Variants in PPM1L observed in about 807,000 individuals in gnomAD.
The protein encoded by PPM1L is protein phosphatase, Mg2+/Mn2+ dependent 1L, also known as protein phosphatase 1L.
A neutral mutation model predicts 31.4 loss-of-function variants in PPM1L; 13 were observed. That is an observed-to-expected ratio of 0.41 (90% CI 0.27 to 0.66). PPM1L has a LOEUF of 0.66. Ranked by LOEUF, PPM1L falls within the 30% of genes least tolerant of loss-of-function variation. The pLI is 0.29. For synonymous variants in PPM1L, 184 were observed against 175.4 expected, an observed-to-expected ratio of 1.05 and a Z score of -0.39; for missense variants, 326 against 453.7, an observed-to-expected ratio of 0.72 and a Z score of 2.56.
rs1009662493 is a variant in PPM1L at position 161,011,096 on chromosome 3, C to T, written c.574+49186C>T. On this transcript the variant is annotated intron_variant, in intron 2 of 3. Transcript: ENST00000498165. Reference sequence around the variant, plus strand: ...TCAGACGTGAAGTCCTTGCCCATGCCTATGTCCTGAATGGTATTGCCTAGG... The same window carrying T: ...TCAGACGTGAAGTCCTTGCCCATGCTTATGTCCTGAATGGTATTGCCTAGG... 1.5e-4 allele frequency among the ~76,000 whole-genome samples: 23 copies of T among 152,280 alleles called. No homozygotes were observed. In the East Asian group the frequency reaches 2.7e-3, roughly 18 times the overall value.
chr3:160,825,647 C>T (rs544473940), intron 1 of PPM1L, among the ~76,000 whole-genome samples: 9 of 152,138 alleles, frequency 5.9e-5, no homozygotes, highest in Non-Finnish European at 1.2e-4. Flanking sequence ...TTTTGCCTGG[C>T]GGTGCTGATT....
At chr3:161,011,880 C>G (rs1027092764) in intron 2 of PPM1L, among the ~76,000 whole-genome samples, 1 of 152,022 alleles carries the variant, frequency 6.6e-6, no homozygotes, top group Non-Finnish European at 1.5e-5. Flanking sequence ...ATCCTGAGAA[C>G]TTGCTGAAGT....
At chr3:161,064,766 C>T (rs907764559) in intron 2 of PPM1L, among the ~76,000 whole-genome samples, 13 of 152,194 alleles carry the variant, frequency 8.5e-5, no homozygotes, top group Admixed American at 5.2e-4. Flanking sequence ...TCTTCTGACT[C>T]GAACCACCCT....
chr3:160,832,986 T>A (rs377490748), intron 1 of PPM1L, among the ~76,000 whole-genome samples: 1 of 152,170 alleles, frequency 6.6e-6, no homozygotes, highest in East Asian at 1.9e-4. Flanking sequence ...GTTCTCATTG[T>A]TCAGCTCCCA....
At chr3:160,926,296 T>G (rs961846994) in intron 1 of PPM1L, among the ~76,000 whole-genome samples, 1 of 152,220 alleles carries the variant, frequency 6.6e-6, no homozygotes, top group African/African-American at 2.4e-5. Context: ...TTTTGATGCT[T>G]GATTAGAATC....
intron 1 of PPM1L, among the ~76,000 whole-genome samples, chr3:160,805,049 G>A (rs1357850783): frequency 6.6e-6 from 1 of 152,196 alleles, no homozygotes; most frequent in Non-Finnish European, 1.5e-5. Context: ...AGGCTGCCCT[G>A]CTTGGGAAGC....
rs1458800061 is a variant in PPM1L, at chr3:161,070,912, T to G, written c.*1755T>G. 6.6e-6 allele frequency: 1 copy of G among 152,228 alleles called. No homozygotes were observed. Among genetic ancestry groups the G allele is most frequent in the Non-Finnish European group, 1.5e-5 (1 of 68,050 alleles). 9.4% of individuals were successfully genotyped at this position (152,228 alleles called of 1,614,324 possible). A position where few individuals can be genotyped will look rare whatever the true frequency, so the allele number is the denominator to read the frequency against. On this transcript the variant is annotated 3_prime_UTR_variant, in exon 4 of 4. Coordinates refer to ENST00000498165, the MANE Select transcript of PPM1L (RefSeq NM_139245.4). The stretch of plus-strand genomic sequence containing the variant: ...TAACTTTCTTTGACTGCACTGAGAA[T>G]TGCTAATGATTTCCCATGAGATTTG...
intron 1 of PPM1L, among the ~76,000 whole-genome samples, chr3:160,852,168 T>C (rs527479128): frequency 3.9e-5 from 6 of 152,308 alleles, no homozygotes; most frequent in Admixed American, 3.9e-4. Context: ...AAGGAAATTG[T>C]TGATAAGAAA....
chr3:160,839,568 G>C (rs1158877531), intron 1 of PPM1L, among the ~76,000 whole-genome samples: 3 of 152,178 alleles, frequency 2.0e-5, no homozygotes, highest in Non-Finnish European at 4.4e-5. Flanking sequence ...CCCTGAGTGT[G>C]TGCTAACCTT....
chr3:161,030,842 G>A (rs1576794115), intron 2 of PPM1L, among the ~76,000 whole-genome samples: 1 of 151,972 alleles, frequency 6.6e-6, no homozygotes, highest in East Asian at 1.9e-4. Flanking sequence ...AACAATCTCT[G>A]TTGAGAAAAA....
chr3:160,942,832 G>A (rs1034537190), intron 1 of PPM1L, among the ~76,000 whole-genome samples: 1 of 152,078 alleles, frequency 6.6e-6, no homozygotes, highest in African/African-American at 2.4e-5. Flanking sequence ...TTGCCATTTT[G>A]ATGGATTTTC....
chr3:160,929,422 C>A (rs1235889917), intron 1 of PPM1L, among the ~76,000 whole-genome samples: 1 of 152,130 alleles, frequency 6.6e-6, no homozygotes, highest in East Asian at 1.9e-4. Context: ...ACTCTGTCTT[C>A]CTTAAGTTTC....
At chr3:161,059,863 T>C (rs1008072286) in intron 2 of PPM1L, among the ~76,000 whole-genome samples, 3 of 152,062 alleles carry the variant, frequency 2.0e-5, no homozygotes, top group Non-Finnish European at 2.9e-5. Flanking sequence ...CTGCTCCAGC[T>C]ATGTGAAGTG....
At chr3:161,015,173 C>A (rs1718044425) in intron 2 of PPM1L, among the ~76,000 whole-genome samples, 1 of 148,324 alleles carries the variant, frequency 6.7e-6, no homozygotes, top group South Asian at 2.2e-4. Flanking sequence ...TCTATTTGGA[C>A]ATATTCTATT....
At chr3:160,800,982 T>C (rs1167525002) in intron 1 of PPM1L, among the ~76,000 whole-genome samples, 1 of 152,216 alleles carries the variant, frequency 6.6e-6, no homozygotes, top group Non-Finnish European at 1.5e-5. Flanking sequence ...TTTTTATTTT[T>C]TATATATTAC....
intron 2 of PPM1L, among the ~76,000 whole-genome samples, chr3:161,046,764 G>A (rs1719094414): frequency 6.6e-6 from 1 of 152,116 alleles, no homozygotes; most frequent in African/African-American, 2.4e-5. Context: ...CTTCATCCCT[G>A]GGATGAAAGG....
intron 1 of PPM1L, among the ~76,000 whole-genome samples, chr3:160,952,230 C>T (rs2108099093): frequency 6.6e-6 from 1 of 152,238 alleles, no homozygotes; most frequent in East Asian, 1.9e-4. Context: ...TTTAAAGTGC[C>T]TGGAGCCAAA....
chr3:160,836,550 A>C (rs1713722655), intron 1 of PPM1L, among the ~76,000 whole-genome samples: 1 of 152,226 alleles, frequency 6.6e-6, no homozygotes, highest in Non-Finnish European at 1.5e-5. Flanking sequence ...ACTGACTCAC[A>C]GATACAGAGA....
intron 2 of PPM1L, among the ~76,000 whole-genome samples, chr3:160,971,837 C>G (rs1559908582): frequency 6.6e-6 from 1 of 152,146 alleles, no homozygotes; most frequent in Non-Finnish European, 1.5e-5. Flanking sequence ...GATCTTAGCT[C>G]TCTGCAACCT....
Sources: gnomAD v4.1 joint callset for allele counts (sites outside exome capture counted in the v4.1 genomes callset) on GRCh38, gnomAD v4.1.1 for gene constraint, MANE v1.5 for transcripts, NCBI Gene and HGNC (gene_info 2026-07-23, HGNC 2026-07-21) for gene names.